CORIN: variants seen among roughly 807,000 people sequenced by gnomAD.
CORIN encodes corin, serine peptidase.
CORIN carries 117 observed loss-of-function variants against 125.3 expected under a neutral mutation model. The observed-to-expected ratio is 0.93, with a 90% CI of 0.80 to 1.09. The LOEUF is 1.09. CORIN is among the 50% of genes least tolerant of loss of function. The pLI is 0.00. For synonymous variants in CORIN, 450 were observed against 466.4 expected, an observed-to-expected ratio of 0.96 and a Z score of 0.45; for missense variants, 1,253 against 1,306.7, an observed-to-expected ratio of 0.96 and a Z score of 0.63.
intron 5 of CORIN, among the ~76,000 whole-genome samples, chr4:47,718,827 T>C (rs574602406): frequency 6.6e-6 from 1 of 152,294 alleles, no homozygotes; most frequent in Non-Finnish European, 1.5e-5. Flanking sequence ...TTAGTCCGTG[T>C]TGTAGTTAAA....
At chr4:47,807,151 T>G in intron 1 of CORIN, 104 bp from the exon 2 acceptor site, 1 of 870,346 alleles carries the variant, frequency 1.1e-6, no homozygotes, top group Non-Finnish European at 1.7e-6. Context: ...CCAAAAAGAT[T>G]TTACAGTTTG....
chr4:47,677,869 T>A (rs905420999), intron 9 of CORIN, 69 bp downstream of exon 9: 2 of 1,113,156 alleles, frequency 1.8e-6, no homozygotes, highest in Non-Finnish European at 1.4e-6. Flanking sequence ...CAACTTCAAA[T>A]GTGTTCCTTT....
At chr4:47,723,952 C>T (rs931262994) in intron 5 of CORIN, among the ~76,000 whole-genome samples, 13 of 145,730 alleles carry the variant, frequency 8.9e-5, no homozygotes, top group Middle Eastern at 3.7e-3. Context: ...GCTGAGATCG[C>T]GCCACAGCAC....
At chr4:47,758,592 A>G (rs960906741) in intron 4 of CORIN, among the ~76,000 whole-genome samples, 6 of 152,164 alleles carry the variant, frequency 3.9e-5, no homozygotes, top group South Asian at 2.1e-4. Context: ...AAGCATAATG[A>G]TATGGTTTAG....
At chr4:47,809,420 TTTG>T (rs1731958006) in intron 1 of CORIN, among the ~76,000 whole-genome samples, 2 of 140,014 alleles carry the variant, frequency 1.4e-5, no homozygotes, top group African/African-American at 5.1e-5. Flanking sequence ...TTTTTTTTTT[TTTG>T]AGATAGAGTC....
chr4:47,619,903 T>A (rs1722236650), intron 19 of CORIN, among the ~76,000 whole-genome samples: 1 of 152,230 alleles, frequency 6.6e-6, no homozygotes, highest in African/African-American at 2.4e-5. Context: ...TCTGGAAACA[T>A]CTGGCCCCTT....
chr4:47,699,944 G>T (rs562160633), intron 5 of CORIN, among the ~76,000 whole-genome samples: 3 of 152,250 alleles, frequency 2.0e-5, no homozygotes, highest in African/African-American at 7.2e-5. Context: ...GGTTAAAATG[G>T]TAGGTTTTAG....
chr4:47,687,105 T>C (rs538365582), intron 6 of CORIN, among the ~76,000 whole-genome samples: 1 of 152,360 alleles, frequency 6.6e-6, no homozygotes, highest in Non-Finnish European at 1.5e-5. Context: ...AACTTTCTAC[T>C]ATTATAACTT....
At chr4:47,766,878 G>A (rs886501619) in intron 3 of CORIN, among the ~76,000 whole-genome samples, 4 of 150,940 alleles carry the variant, frequency 2.7e-5, no homozygotes, top group Admixed American at 1.3e-4. Flanking sequence ...CTCGGGAGGC[G>A]GAGGTTGGCA....
At chr4:47,778,639 T>C (rs1393226452) in intron 3 of CORIN, among the ~76,000 whole-genome samples, 1 of 152,220 alleles carries the variant, frequency 6.6e-6, no homozygotes, top group East Asian at 1.9e-4. Context: ...CATGCAACGA[T>C]TACTTAAATG....
intron 10 of CORIN, among the ~76,000 whole-genome samples, chr4:47,671,913 G>A (rs1435012326): frequency 2.0e-5 from 3 of 152,176 alleles, no homozygotes; most frequent in African/African-American, 7.2e-5. Context: ...AATAACACAG[G>A]AGTAATGAGG....
At chr4:47,836,256 C>T (rs970977748) in intron 1 of CORIN, among the ~76,000 whole-genome samples, 1 of 152,058 alleles carries the variant, frequency 6.6e-6, no homozygotes, top group Non-Finnish European at 1.5e-5. Flanking sequence ...CAATCTCACA[C>T]AACAAACCTA....
intron 12 of CORIN, among the ~76,000 whole-genome samples, chr4:47,658,224 A>G (rs1292107878): frequency 6.6e-6 from 1 of 152,238 alleles, no homozygotes; most frequent in African/African-American, 2.4e-5. Context: ...AAAACCCAGC[A>G]GGGCAGTCAT....
At chr4:47,635,220 A>G (rs1436816130) in intron 16 of CORIN, among the ~76,000 whole-genome samples, 2 of 152,220 alleles carry the variant, frequency 1.3e-5, no homozygotes, top group Non-Finnish European at 2.9e-5. Flanking sequence ...ATGAGGTGGG[A>G]CAGAAATGGA....
chr4:47,653,960 T>G (rs1723849790), intron 12 of CORIN, among the ~76,000 whole-genome samples: 2 of 152,244 alleles, frequency 1.3e-5, no homozygotes, highest in African/African-American at 4.8e-5. Context: ...GTGCAGTCAG[T>G]GCTCCTGACT....
At chr4:47,670,483 G>A (rs576842511) in intron 10 of CORIN, among the ~76,000 whole-genome samples, 1 of 152,334 alleles carries the variant, frequency 6.6e-6, no homozygotes, top group South Asian at 2.1e-4. Context: ...TGCAAAGAGA[G>A]AGTAGGAAAT....
chr4:47,737,726 C>T (rs2109826665), intron 5 of CORIN, among the ~76,000 whole-genome samples: 1 of 152,288 alleles, frequency 6.6e-6, no homozygotes, highest in South Asian at 2.1e-4. Flanking sequence ...CAACTTTTAG[C>T]ACCTAGTGTC....
chr4:47,623,639 A>AC lies in CORIN; in HGVS notation c.2471dup (p.Ser824ArgfsTer69), dbSNP rs750529501. On this transcript the variant is annotated frameshift_variant, in exon 19 of 22. Coordinates refer to ENST00000273857, the MANE Select transcript of CORIN (RefSeq NM_006587.4). LOFTEE classifies it high-confidence loss of function. ...TGAGGACACAGCCACAGATATGTCC[A>AC]CTGGGTTCACTCTGCAGAGAACACT... 30 of 1,614,098 alleles carry AC rather than the reference A, an allele frequency of 1.9e-5. No homozygotes were observed. The highest frequency in any genetic ancestry group is 2.7e-5 in the African/African-American group (2 of 74,948).
chr4:47,667,637 T>C (rs937512719), intron 10 of CORIN, among the ~76,000 whole-genome samples: 9 of 152,146 alleles, frequency 5.9e-5, no homozygotes, highest in Admixed American at 4.6e-4. Flanking sequence ...AGATATTATA[T>C]TTATAAGGAG....
Sources: gnomAD v4.1 joint callset for allele counts (sites outside exome capture counted in the v4.1 genomes callset) on GRCh38, gnomAD v4.1.1 for gene constraint, MANE v1.5 for transcripts, NCBI Gene and HGNC (gene_info 2026-07-23, HGNC 2026-07-21) for gene names.